The following TXLNB variants were observed in gnomAD, a reference collection of about 807,000 sequenced individuals.
TXLNB encodes taxilin beta, also known as beta-taxilin.
In TXLNB, 37 loss-of-function variants were observed where a neutral mutation model predicts 57.4. The ratio of observed to expected loss-of-function variants is 0.64; its 90% CI spans 0.50 to 0.85. The LOEUF is 0.85. Ranked by LOEUF, TXLNB falls within the 40% of genes least tolerant of loss-of-function variation. The pLI, the probability that TXLNB is intolerant of heterozygous loss-of-function variation, is 0.00. For synonymous variants in TXLNB, 302 were observed against 309.6 expected, an observed-to-expected ratio of 0.98 and a Z score of 0.26; for missense variants, 848 against 825.6, an observed-to-expected ratio of 1.03 and a Z score of -0.33.
chr6:139,274,511 G>A (rs1776845570), intron 3 of TXLNB, among the ~76,000 whole-genome samples: 1 of 152,026 alleles, frequency 6.6e-6, no homozygotes. Flanking sequence ...AGTTTTTTAC[G>A]AGAGATGATA....
chr6:139,243,310 GCTTT>G lies in TXLNB; in HGVS notation c.1267_1270del (p.Lys423HisfsTer2), dbSNP rs1208023815. 6.2e-7 allele frequency: 1 copy of G among 1,606,140 alleles called. No individual in the cohort carries two copies. Among genetic ancestry groups the G allele is most frequent in the African/African-American group, 1.3e-5 (1 of 74,858 alleles). ...GCACTCATATTCTTTAGCTCTCAGT[GCTTT>G]CTGTGATGTGAAAACACACGCACAT... On this transcript the variant is annotated frameshift_variant and splice_region_variant, in exon 10 of 10. Coordinates refer to ENST00000358430, the MANE Select transcript of TXLNB (RefSeq NM_153235.4). LOFTEE classifies it low-confidence loss of function (END_TRUNC).
chr6:139,181,164 T>TTAAG, the TXLNB span, among the ~76,000 whole-genome samples: 1 of 152,232 alleles, frequency 6.6e-6, no homozygotes, highest in African/African-American at 2.4e-5. Flanking sequence ...TAGCCAAAAC[T>TTAAG]TAAGTCGTCC....
At chr6:139,163,540 G>C in the TXLNB span, among the ~76,000 whole-genome samples, 1 of 152,000 alleles carries the variant, frequency 6.6e-6, no homozygotes, top group African/African-American at 2.4e-5. Context: ...TTTTAGTAGA[G>C]ATGGGGTTTC....
intron 2 of TXLNB, among the ~76,000 whole-genome samples, chr6:139,280,930 A>G (rs1439870711): frequency 6.6e-6 from 1 of 152,220 alleles, no homozygotes; most frequent in African/African-American, 2.4e-5. Context: ...TTTTAAGGGA[A>G]GTAAAATTCA....
At chr6:139,262,850 GA>G in intron 4 of TXLNB, 77 bp from the exon 5 acceptor site, 1 of 1,461,588 alleles carries the variant, frequency 6.8e-7, no homozygotes, top group African/African-American at 1.4e-5. Context: ...ACCTAAAGGA[GA>G]TAAGTGTGCA....
At position 139,288,694 on chromosome 6, in the gene TXLNB, G is replaced by A; in HGVS notation, c.206C>T (p.Thr69Ile). The A allele has an allele frequency of 6.2e-7, 1 of 1,614,174 alleles. No homozygotes were observed. The highest frequency in any genetic ancestry group is 8.5e-7 in the Non-Finnish European group (1 of 1,180,028). Residue 69 changes from threonine to isoleucine, a missense_variant, in exon 2 of 10, where the codon ACT becomes ATT. Coordinates refer to ENST00000358430, the MANE Select transcript of TXLNB (RefSeq NM_153235.4). ...LNRQLEDIIN[T>I]YGSAASTAGK... ...TGCTGTGCTGGCAGCAGACCCATAAGTGTTAATGATGTCTTCCAGCTGTCG... is the reference window on the plus strand; with the variant it reads ...TGCTGTGCTGGCAGCAGACCCATAAATGTTAATGATGTCTTCCAGCTGTCG...
intron 5 of TXLNB, among the ~76,000 whole-genome samples, chr6:139,261,764 C>T (rs1451369676): frequency 1.3e-5 from 2 of 151,914 alleles, no homozygotes; most frequent in South Asian, 4.2e-4. Flanking sequence ...CAATTAAATG[C>T]CATATGGTAT....
intron 7 of TXLNB, among the ~76,000 whole-genome samples, chr6:139,250,812 GA>G (rs1776186460): frequency 6.6e-6 from 1 of 152,084 alleles, no homozygotes; most frequent in South Asian, 2.1e-4. Context: ...GAATCAGCAA[GA>G]ACAACCACCC....
downstream of TXLNB, among the ~76,000 whole-genome samples, chr6:139,235,788 G>A (rs902195280): frequency 9.2e-5 from 14 of 151,870 alleles, no homozygotes; most frequent in Non-Finnish European, 1.0e-4. Context: ...GGCCCGCCAC[G>A]CCCCCCCTTC....
At chr6:139,289,425 C>T (rs1777256244) in intron 1 of TXLNB, among the ~76,000 whole-genome samples, 1 of 152,162 alleles carries the variant, frequency 6.6e-6, no homozygotes, top group South Asian at 2.1e-4. Context: ...TCAGGGAGCT[C>T]GGCTCTTGAG....
the TXLNB span, among the ~76,000 whole-genome samples, chr6:139,223,426 A>G: frequency 6.6e-6 from 1 of 152,178 alleles, no homozygotes; most frequent in African/African-American, 2.4e-5. Flanking sequence ...AGAAATTAAC[A>G]CAATGAATGA....
In TXLNB at chr6:139,270,514, G is replaced by A. The variant is rs1247010578; in HGVS notation, c.629C>T (p.Ala210Val). 2 of 1,614,158 alleles carry A rather than the reference G, an allele frequency of 1.2e-6. No individual in the cohort carries two copies. Among genetic ancestry groups the A allele is most frequent in the Non-Finnish European group, 1.7e-6 (2 of 1,180,004 alleles). Residue 210 changes from alanine (A) to valine (V), a missense_variant, in exon 4 of 10, where the codon GCT becomes GTT. Ala to Val is a moderately conservative substitution (Grantham distance 64). Coordinates refer to ENST00000358430, the MANE Select transcript of TXLNB (RefSeq NM_153235.4). ...GCACAGACTCTCCAATTTGCTTCGA[G>A]CGAGGATAGCTCTGCTGTGTTCACC... ...LQGEHSRAIL[A>V]RSKLESLCRE...
At chr6:139,238,149 T>G (rs1283040979), downstream of TXLNB, among the ~76,000 whole-genome samples, 1 of 152,122 alleles carries the variant, frequency 6.6e-6, no homozygotes, top group Non-Finnish European at 1.5e-5. Flanking sequence ...ATCCCAGCAC[T>G]TTGGGAGGCC....
chr6:139,267,776 G>A (rs541226252), intron 4 of TXLNB, among the ~76,000 whole-genome samples: 1 of 152,252 alleles, frequency 6.6e-6, no homozygotes, highest in African/African-American at 2.4e-5. Context: ...ATGAATGGAT[G>A]AAAAGAGATA....
At chr6:139,284,463 G>A (rs185994087) in intron 2 of TXLNB, among the ~76,000 whole-genome samples, 10 of 145,480 alleles carry the variant, frequency 6.9e-5, no homozygotes, top group African/African-American at 2.3e-4. Context: ...GGGAGCTGGA[G>A]GTTGTAGTGA....
At chr6:139,323,793 G>A in the TXLNB span, among the ~76,000 whole-genome samples, 1 of 152,052 alleles carries the variant, frequency 6.6e-6, no homozygotes, top group African/African-American at 2.4e-5. Context: ...GTTTACCTCC[G>A]GGCTTCCGTT....
chr6:139,208,153 A>G, the TXLNB span, among the ~76,000 whole-genome samples: 2 of 152,196 alleles, frequency 1.3e-5, no homozygotes, highest in Non-Finnish European at 2.9e-5. Context: ...ATCATTCAAG[A>G]CTACTATGAA....
chr6:139,300,217 C>T, the TXLNB span, among the ~76,000 whole-genome samples: 1 of 152,152 alleles, frequency 6.6e-6, no homozygotes, highest in Non-Finnish European at 1.5e-5. Flanking sequence ...TCACCTAGTT[C>T]TGAGCTGGTG....
At chr6:139,296,244 G>A (rs1056337061), upstream of TXLNB, among the ~76,000 whole-genome samples, 5 of 152,186 alleles carry the variant, frequency 3.3e-5, no homozygotes, top group African/African-American at 1.2e-4. Flanking sequence ...GACTGTGTGT[G>A]TGCCTGAAAT....
Sources: gnomAD v4.1 joint callset for allele counts (sites outside exome capture counted in the v4.1 genomes callset) on GRCh38, gnomAD v4.1.1 for gene constraint, MANE v1.5 for transcripts, NCBI Gene and HGNC (gene_info 2026-07-23, HGNC 2026-07-21) for gene names.